The following SLC36A4 variants were observed in gnomAD, a reference collection of about 807,000 sequenced individuals.
SLC36A4 encodes solute carrier family 36 member 4, also known as neutral amino acid uniporter 4.
A neutral mutation model predicts 50.5 loss-of-function variants in SLC36A4; 49 were observed. That is an observed-to-expected ratio of 0.97 (90% CI 0.77 to 1.23). SLC36A4 has a LOEUF of 1.23. SLC36A4 is among the 50% of genes most tolerant of loss of function. SLC36A4 has a pLI of 0.00. For synonymous variants in SLC36A4, 207 were observed against 206.5 expected (o/e 1.00, Z -0.02); for missense variants, 611 against 608.4 (o/e 1.00, Z -0.05).
At chr11:93,173,878 T>C (rs993359599) in intron 6 of SLC36A4, among the ~76,000 whole-genome samples, 6 of 138,226 alleles carry the variant, frequency 4.3e-5, no homozygotes, top group Non-Finnish European at 7.8e-5. Flanking sequence ...AGTCAGGTAG[T>C]GTGATGCCTC....
chr11:93,146,572 T>C lies in SLC36A4; in HGVS notation c.*1965A>G, dbSNP rs1441755867. ...TTGTACCAAAATAAAGCTTCTGATA[T>C]ATCTTTAGGATTGTATTTGATGATC... is the stretch of plus-strand genomic sequence containing the variant. On this transcript the variant is annotated 3_prime_UTR_variant, in exon 11 of 11. Coordinates refer to ENST00000326402, the MANE Select transcript of SLC36A4 (RefSeq NM_152313.4). 3 of 152,034 alleles carry C rather than the reference T, an allele frequency of 2.0e-5. No homozygotes were observed. The highest frequency in any genetic ancestry group is 2.1e-4 in the South Asian group (1 of 4,826). 9.4% of individuals were successfully genotyped at this position (152,034 alleles called of 1,614,324 possible).
At chr11:93,193,259 T>C (rs1036859187) in intron 1 of SLC36A4, among the ~76,000 whole-genome samples, 2 of 152,120 alleles carry the variant, frequency 1.3e-5, no homozygotes, top group East Asian at 3.8e-4. Flanking sequence ...GTGAGGGAGA[T>C]AAACACTTAA....
intron 7 of SLC36A4, chr11:93,166,515 T>C (rs1301756751): frequency 9.0e-6 from 4 of 446,052 alleles, no homozygotes; most frequent in Non-Finnish European, 1.2e-5. Flanking sequence ...GTTTCCTTCT[T>C]GCTTCAGTGC....
chr11:93,155,402 C>T (rs1860308136), intron 9 of SLC36A4: 1 of 151,722 alleles, frequency 6.6e-6, no homozygotes, highest in Non-Finnish European at 1.5e-5. Flanking sequence ...TTCTTTCTTA[C>T]AAAAAAATGC....
intron 1 of SLC36A4, among the ~76,000 whole-genome samples, chr11:93,188,727 T>G (rs1453988070): frequency 2.0e-5 from 3 of 152,202 alleles, no homozygotes; most frequent in Non-Finnish European, 4.4e-5. Context: ...AAAGCCTATA[T>G]CCTTTTCTGT....
At chr11:93,150,126 C>T (rs142690868) in intron 10 of SLC36A4, among the ~76,000 whole-genome samples, 4 of 152,076 alleles carry the variant, frequency 2.6e-5, no homozygotes, top group Non-Finnish European at 4.4e-5. Context: ...TTGTCCTTAA[C>T]GGTTTTGTTA....
chr11:93,176,108 C>T (rs1861456951), intron 6 of SLC36A4, among the ~76,000 whole-genome samples: 1 of 147,262 alleles, frequency 6.8e-6, no homozygotes, highest in Non-Finnish European at 1.5e-5. Context: ...TCACTCAGGA[C>T]TTGCTTTATG....
chr11:93,150,349 T>A (rs1489013025), intron 10 of SLC36A4, among the ~76,000 whole-genome samples: 1 of 152,076 alleles, frequency 6.6e-6, no homozygotes, highest in Non-Finnish European at 1.5e-5. Flanking sequence ...TCTCTACTTC[T>A]TAATTTTCAA....
At position 93,146,969 on chromosome 11, in the gene SLC36A4, T is replaced by C. The variant is rs977214416; in HGVS notation, c.*1568A>G. On this transcript the variant is annotated 3_prime_UTR_variant, in exon 11 of 11. Coordinates refer to ENST00000326402, the MANE Select transcript of SLC36A4 (RefSeq NM_152313.4). ...ATCCCTTTATGTTATGATTCTTGTA[T>C]ATATTTATTGTTGTTTTAGTTTTTA... The C allele has an allele frequency of 5.9e-5, 9 of 152,050 alleles. No individual in the cohort carries two copies. The highest frequency in any genetic ancestry group is 2.2e-4 in the African/African-American group (9 of 41,436). The allele number at this position is 152,050 out of a possible 1,614,324, so 9.4% of individuals were successfully genotyped here. A position where few individuals can be genotyped will look rare whatever the true frequency, so the allele number is the denominator to read the frequency against.
At position 93,148,331 on chromosome 11, in the gene SLC36A4, G is replaced by T. The variant is rs1440388821; in HGVS notation, c.*206C>A. The T allele has an allele frequency of 8.0e-6, 3 of 376,786 alleles. No homozygotes were observed. Among genetic ancestry groups the T allele is most frequent in the East Asian group, 4.6e-5 (1 of 21,932 alleles). 23.3% of individuals were successfully genotyped at this position (376,786 alleles called of 1,614,324 possible). A position where few individuals can be genotyped will look rare whatever the true frequency, so the allele number is the denominator to read the frequency against. ...TTCAATTTTCAGAACTTAATTTTTT[G>T]AACTATTGCTAACACTTAAAAGCAA... On this transcript the variant is annotated 3_prime_UTR_variant, in exon 11 of 11. Coordinates refer to ENST00000326402, the MANE Select transcript of SLC36A4 (RefSeq NM_152313.4).
chr11:93,184,537 G>A lies in SLC36A4; in HGVS notation c.180-17C>T, dbSNP rs758537656. 5 of 1,417,756 alleles carry A rather than the reference G, an allele frequency of 3.5e-6. No homozygotes were observed. The highest frequency in any genetic ancestry group is 3.5e-5 in the Admixed American group (2 of 57,348). 87.8% of individuals were successfully genotyped at this position (1,417,756 alleles called of 1,614,324 possible). ...TGTACAAATCTGAAAAGTAAAAGTT[G>A]TAAGACTTAAATATTTTAGAACAAA... On this transcript the variant is annotated splice_polypyrimidine_tract_variant and intron_variant, in intron 2 of 10. Coordinates refer to ENST00000326402, the MANE Select transcript of SLC36A4 (RefSeq NM_152313.4).
rs1006747734 is a variant in SLC36A4, at chr11:93,185,871, G to T, written c.56-57C>A. 78 of 1,451,778 alleles carry T rather than the reference G, an allele frequency of 5.4e-5. 2 individuals carry two copies. The South Asian group carries it at 9.6e-4, about 18-fold the overall frequency. The allele number at this position is 1,451,778 out of a possible 1,614,324, so 89.9% of individuals were successfully genotyped here. A position where few individuals can be genotyped will look rare whatever the true frequency, so the allele number is the denominator to read the frequency against. ...TTGCTTAAAAAAGTTGGATAAAGCT[G>T]GTATAAATGAATTTCAAAATATTAG... On this transcript the variant is annotated intron_variant, in intron 1 of 10. Coordinates refer to ENST00000326402, the MANE Select transcript of SLC36A4 (RefSeq NM_152313.4).
At position 93,147,163 on chromosome 11, in the gene SLC36A4, T is replaced by TTATA; in HGVS notation, c.*1373_*1374insTATA. On this transcript the variant is annotated 3_prime_UTR_variant, in exon 11 of 11. Transcript: ENST00000326402. ...CTAATTTTTTTTTAAATTTTTATGT[T>TTATA]TTATAGAGTCGAGGTCTCACTATGC... 1 of 152,110 alleles carries TTATA rather than the reference T, an allele frequency of 6.6e-6. No individual in the cohort carries two copies. The highest frequency in any genetic ancestry group is 1.9e-4 in the East Asian group (1 of 5,144). 9.4% of individuals were successfully genotyped at this position (152,110 alleles called of 1,614,324 possible). A position where few individuals can be genotyped will look rare whatever the true frequency, so the allele number is the denominator to read the frequency against.
intron 1 of SLC36A4, chr11:93,197,529 C>G (rs932608179): frequency 1.1e-5 from 6 of 547,238 alleles, no homozygotes; most frequent in African/African-American, 8.1e-5. Flanking sequence ...AACACACACA[C>G]TCACCCACAC....
intron 6 of SLC36A4, among the ~76,000 whole-genome samples, chr11:93,172,370 C>A (rs1861190196): frequency 6.6e-6 from 1 of 151,886 alleles, no homozygotes. Flanking sequence ...GTATACACTG[C>A]ACCATATTTG....
chr11:93,176,624 GCT>G (rs1463174101), intron 6 of SLC36A4, among the ~76,000 whole-genome samples: 1 of 151,942 alleles, frequency 6.6e-6, no homozygotes, highest in Non-Finnish European at 1.5e-5. Context: ...TCCTTCAGGA[GCT>G]CTTTTAGGGC....
At chr11:93,161,932 T>C (rs1012951723) in intron 9 of SLC36A4, among the ~76,000 whole-genome samples, 1 of 152,132 alleles carries the variant, frequency 6.6e-6, no homozygotes, top group South Asian at 2.1e-4. Flanking sequence ...GGTCCCAATA[T>C]GAAAGAGAAC....
chr11:93,196,846 T>A (rs1464757369), intron 1 of SLC36A4, among the ~76,000 whole-genome samples: 1 of 152,218 alleles, frequency 6.6e-6, no homozygotes, highest in Non-Finnish European at 1.5e-5. Context: ...GAAATCATGA[T>A]AGCACCTATC....
At chr11:93,156,650 C>T (rs935299098) in intron 9 of SLC36A4, among the ~76,000 whole-genome samples, 1 of 151,884 alleles carries the variant, frequency 6.6e-6, no homozygotes, top group African/African-American at 2.4e-5. Flanking sequence ...AAACTCCTAA[C>T]CTTGTGATCT....
Sources: gnomAD v4.1 joint callset for allele counts (sites outside exome capture counted in the v4.1 genomes callset) on GRCh38, gnomAD v4.1.1 for gene constraint, MANE v1.5 for transcripts, NCBI Gene and HGNC (gene_info 2026-07-23, HGNC 2026-07-21) for gene names.